Variants in BEST2 observed in about 807,000 individuals in gnomAD.
BEST2 encodes the protein bestrophin 2, also known as bestrophin-2a.
In BEST2, 36 loss-of-function variants were observed where a neutral mutation model predicts 49.0. The observed-to-expected ratio is 0.73, with a 90% CI of 0.56 to 0.97. The LOEUF is 0.97. Ranked by LOEUF, BEST2 falls within the 50% of genes least tolerant of loss-of-function variation. The pLI, the probability that BEST2 is intolerant of heterozygous loss-of-function variation, is 0.00. For missense variants in BEST2, 672 were observed against 710.0 expected (o/e 0.95, Z 0.61); for synonymous variants, 335 against 304.4 (o/e 1.10, Z -1.05).
chr19:12,755,098 C>T lies in BEST2; in HGVS notation c.636+67C>T. On this transcript the variant is annotated intron_variant, in intron 5 of 9. Coordinates refer to ENST00000553030, the MANE Select transcript of BEST2 (RefSeq NM_017682.3). This position sits in a 1 kb window ranked among gnomAD's most constrained non-coding sequence, Gnocchi z 4.4. ...AATTGTACCCCTGGAGCTGTGTCAA[C>T]GGCGGCCCTCCAAGCACCCCCACGA... 2 of 1,516,650 alleles carry T rather than the reference C, an allele frequency of 1.3e-6. No individual in the cohort carries two copies. The highest frequency in any genetic ancestry group is 2.3e-5 in the East Asian group (1 of 43,604). The allele number at this position is 1,516,650 out of a possible 1,614,324, so 93.9% of individuals were successfully genotyped here.
chr19:12,755,712 T>C lies in BEST2; in HGVS notation c.812T>C (p.Leu271Pro). ...GGTTACAAAGACCACGACCTAGACC[T>C]GTGTGTGCCCATCTTCACCCTCTTG... ...AQGYKDHDLD[L>P]CVPIFTLLQF... is the part of the protein sequence containing the mutation. Residue 271 changes from leucine to proline, a missense_variant, in exon 7 of 10, where the codon CTG becomes CCG. By Grantham distance (98) the Leu-to-Pro change is moderately conservative. Around this residue, in one of 3 missense-constraint regions of BEST2, gnomAD observed 365 missense variants for 390.9 expected, o/e 0.93. Transcript: ENST00000553030. The surrounding 1 kb of genome is among the most constrained non-coding windows in gnomAD (Gnocchi z 4.4). 6 of 1,614,092 alleles carry C rather than the reference T, an allele frequency of 3.7e-6. No homozygotes were observed. Among genetic ancestry groups the C allele is most frequent in the Non-Finnish European group, 5.1e-6 (6 of 1,180,016 alleles).
intron 3 of BEST2, among the ~76,000 whole-genome samples, chr19:12,754,321 C>T (rs1967908154): frequency 6.6e-6 from 1 of 152,060 alleles, no homozygotes. Flanking sequence ...ATCCACCCTC[C>T]TCAGCCTCCC....
chr19:12,758,101 G>C lies in BEST2; in HGVS notation c.*24G>C. 6.2e-7 allele frequency: 1 copy of C among 1,609,222 alleles called. No individual in the cohort carries two copies. Among genetic ancestry groups the C allele is most frequent in the Admixed American group, 1.7e-5 (1 of 59,208 alleles). ...GAGATCTTAGAGCCCAGCCCCCTAA[G>C]GACAGGGAACCAGGTCCCTGCACGG... On this transcript the variant is annotated 3_prime_UTR_variant, in exon 10 of 10. Coordinates refer to ENST00000553030, the MANE Select transcript of BEST2 (RefSeq NM_017682.3).
rs768418645 is a variant in BEST2, at chr19:12,753,273, G to C, written c.166G>C (p.Glu56Gln). The C allele has an allele frequency of 1.2e-6, 2 of 1,614,048 alleles. No individual in the cohort carries two copies. Among genetic ancestry groups the C allele is most frequent in the Non-Finnish European group, 1.7e-6 (2 of 1,180,014 alleles). ...LSAAYRFVLT[E>Q]GQKRYFEKLV... ...TCTATCCCGCAGCTTTGTGCTGACC[G>C]AAGGGCAGAAGCGCTACTTCGAGAA... Residue 56 changes from glutamate to glutamine, a missense_variant, in exon 3 of 10, where the codon GAA becomes CAA. Around this residue, in one of 3 missense-constraint regions of BEST2, gnomAD observed 365 missense variants for 390.9 expected, o/e 0.93. Coordinates refer to ENST00000553030, the MANE Select transcript of BEST2 (RefSeq NM_017682.3).
Position 12,754,558 on chromosome 19 carries a change from A to C in BEST2, c.254A>C (p.Tyr85Ser). 6.6e-7 allele frequency: 1 copy of C among 1,515,430 alleles called. No individual in the cohort carries two copies. Among genetic ancestry groups the C allele is most frequent in the Non-Finnish European group, 8.9e-7 (1 of 1,123,486 alleles). 93.9% of individuals were successfully genotyped at this position (1,515,430 alleles called of 1,614,324 possible). A position where few individuals can be genotyped will look rare whatever the true frequency, so the allele number is the denominator to read the frequency against. The change falls in exon 4 of 10, where the codon TAT becomes TCT. Residue 85 changes from tyrosine to serine, a missense_variant. Tyr to Ser is a moderately radical substitution (Grantham distance 144, BLOSUM62 -2). Coordinates refer to ENST00000553030, the MANE Select transcript of BEST2 (RefSeq NM_017682.3). ...LIPVSFVLGF[Y>S]VTLVVNRWWS... ...ATTCCCCGCTCCCCTGCAGGCTTTT[A>C]TGTGACGCTGGTGGTGAACCGCTGG...
At chr19:12,753,782 C>G (rs992927153) in intron 3 of BEST2, among the ~76,000 whole-genome samples, 1 of 152,110 alleles carries the variant, frequency 6.6e-6, no homozygotes, top group Non-Finnish European at 1.5e-5. Context: ...CTAGCCTGCC[C>G]AAGGCTCCCT....
Position 12,752,597 on chromosome 19 carries a change from C to T in BEST2, c.5C>T (p.Thr2Ile). ...CCACACCTGCCGGGTGCCACGATGACCGTCACCTACACAGCCCGAGTGGCG... is the reference window on the plus strand; with the variant it reads ...CCACACCTGCCGGGTGCCACGATGATCGTCACCTACACAGCCCGAGTGGCG... M[T>I]VTYTARVANA... Residue 2 changes from threonine (T) to isoleucine (I), a missense_variant, in exon 2 of 10, where the codon ACC (threonine) becomes ATC (isoleucine). Thr to Ile is a moderately conservative substitution (Grantham distance 89, BLOSUM62 -1). Around this residue, in one of 3 missense-constraint regions of BEST2, gnomAD observed 365 missense variants for 390.9 expected, o/e 0.93. Coordinates refer to ENST00000553030, the MANE Select transcript of BEST2 (RefSeq NM_017682.3). The T allele has an allele frequency of 6.2e-7, 1 of 1,611,648 alleles. No individual in the cohort carries two copies. Among genetic ancestry groups the T allele is most frequent in the Non-Finnish European group, 8.5e-7 (1 of 1,179,650 alleles).
rs771016953 is a variant in BEST2, at chr19:12,752,754, C to T, written c.152+10C>T. The T allele has an allele frequency of 6.2e-7, 1 of 1,606,258 alleles. No individual in the cohort carries two copies. Among genetic ancestry groups the T allele is most frequent in the South Asian group, 1.1e-5 (1 of 90,386 alleles). ...TGAGTGCTGCCTACCGGTGAGGCTGCCCTGAGGTGCTCATGTTCTAGCGGA... is the reference window on the plus strand; with the variant it reads ...TGAGTGCTGCCTACCGGTGAGGCTGTCCTGAGGTGCTCATGTTCTAGCGGA... On this transcript the variant is annotated intron_variant, in intron 2 of 9. Coordinates refer to ENST00000553030, the MANE Select transcript of BEST2 (RefSeq NM_017682.3).
In BEST2 at chr19:12,757,855, G is replaced by A. The variant is rs562622793; in HGVS notation, c.1308G>A (p.Ala436=). The A allele has an allele frequency of 9.7e-6, 15 of 1,549,250 alleles. No homozygotes were observed. The East Asian group carries it at 2.7e-4, about 28-fold the overall frequency. ...EASTGASCSC[A]VVPEGAAPEC... is the part of the protein sequence containing the mutation. Reference sequence around the variant, plus strand: ...CTACTGGGGCCAGCTGCTCATGCGCGGTTGTCCCCGAAGGCGCGGCCCCGG... The same window carrying A: ...CTACTGGGGCCAGCTGCTCATGCGCAGTTGTCCCCGAAGGCGCGGCCCCGG... Residue 436 remains alanine, a synonymous_variant, in exon 10 of 10, where the codon GCG becomes GCA. Coordinates refer to ENST00000553030, the MANE Select transcript of BEST2 (RefSeq NM_017682.3).
intron 4 of BEST2, 37 bp downstream of exon 4, chr19:12,754,822 A>C: frequency 6.3e-7 from 1 of 1,586,534 alleles, no homozygotes. Flanking sequence ...GAGACCGGGC[A>C]AGGACCAGGT....
rs1599460270 is a variant in BEST2, at chr19:12,758,130, C to A, written c.*53C>A. The A allele has an allele frequency of 2.5e-6, 4 of 1,581,478 alleles. No individual in the cohort carries two copies. Among genetic ancestry groups the A allele is most frequent in the Non-Finnish European group, 3.4e-6 (4 of 1,163,830 alleles). On this transcript the variant is annotated 3_prime_UTR_variant, in exon 10 of 10. Transcript: ENST00000553030. ...AGGGAACCAGGTCCCTGCACGGCACCCACGCAGGTGTCCCGGTCTGCATAA... is the reference window on the plus strand; with the variant it reads ...AGGGAACCAGGTCCCTGCACGGCACACACGCAGGTGTCCCGGTCTGCATAA...
In BEST2 at chr19:12,754,577, C is replaced by A. The variant is rs1204597745; in HGVS notation, c.273C>A (p.Asn91Lys). Residue 91 changes from asparagine to lysine, a missense_variant, in exon 4 of 10, where the codon AAC (asparagine) becomes AAA (lysine). Asn to Lys is a moderately conservative substitution (Grantham distance 94). This residue lies in a region of BEST2 where 365 missense variants were observed against 390.9 expected (regional missense o/e 0.93). Transcript: ENST00000553030. The stretch of plus-strand genomic sequence containing the variant: ...GCTTTTATGTGACGCTGGTGGTGAA[C>A]CGCTGGTGGAGCCAGTACCTATGCA... The part of the protein sequence containing the change: ...VLGFYVTLVV[N>K]RWWSQYLCMP... 1.3e-6 allele frequency: 2 copies of A among 1,539,880 alleles called. No individual in the cohort carries two copies. Among genetic ancestry groups the A allele is most frequent in the East Asian group, 2.4e-5 (1 of 41,528 alleles).
chr19:12,758,231 AG>A lies in BEST2; in HGVS notation c.*158del, dbSNP rs1422168216. The A allele has an allele frequency of 1.0e-6, 1 of 964,610 alleles. No individual in the cohort carries two copies. The allele number at this position is 964,610 out of a possible 1,614,324, so 59.8% of individuals were successfully genotyped here. A position where few individuals can be genotyped will look rare whatever the true frequency, so the allele number is the denominator to read the frequency against. ...GCCCGCATGTGTTTGGCGCTGTGCT[AG>A]GGGCGGGAGTTCTTCCAGACTCTTG... On this transcript the variant is annotated 3_prime_UTR_variant, in exon 10 of 10. Coordinates refer to ENST00000553030, the MANE Select transcript of BEST2 (RefSeq NM_017682.3).
intron 1 of BEST2, among the ~76,000 whole-genome samples, chr19:12,752,141 G>A (rs955811398): frequency 1.3e-5 from 2 of 152,064 alleles, no homozygotes; most frequent in African/African-American, 4.8e-5. Flanking sequence ...GGGAAGTGGA[G>A]AAGGGGGAGC....
In BEST2 at chr19:12,757,868, G is replaced by GGC; in HGVS notation, c.1325_1326dup (p.Ala443ArgfsTer43). Reference sequence around the variant, plus strand: ...CTGCTCATGCGCGGTTGTCCCCGAAGGCGCGGCCCCGGAGTGCAGCTGCGG... The same window carrying GGC: ...CTGCTCATGCGCGGTTGTCCCCGAAGGCGCGCGGCCCCGGAGTGCAGCTGCGG... On this transcript the variant is annotated frameshift_variant, in exon 10 of 10. Coordinates refer to ENST00000553030, the MANE Select transcript of BEST2 (RefSeq NM_017682.3). LOFTEE classifies it low-confidence loss of function (END_TRUNC). 1.3e-6 allele frequency: 2 copies of GGC among 1,549,494 alleles called. No homozygotes were observed. Among genetic ancestry groups the GGC allele is most frequent in the Non-Finnish European group, 1.7e-6 (2 of 1,147,106 alleles).
chr19:12,757,853 G>A lies in BEST2; in HGVS notation c.1306G>A (p.Ala436Thr), dbSNP rs781407269. 1 of 1,549,262 alleles carries A rather than the reference G, an allele frequency of 6.5e-7. No individual in the cohort carries two copies. Among genetic ancestry groups the A allele is most frequent in the South Asian group, 1.2e-5 (1 of 84,090 alleles). ...GTCTACTGGGGCCAGCTGCTCATGC[G>A]CGGTTGTCCCCGAAGGCGCGGCCCC... is the stretch of plus-strand genomic sequence containing the variant. ...EASTGASCSC[A>T]VVPEGAAPEC... The change falls in exon 10 of 10, where the codon GCG becomes ACG. Residue 436 changes from alanine to threonine, a missense_variant. Ala to Thr is a moderately conservative substitution (Grantham distance 58). Coordinates refer to ENST00000553030, the MANE Select transcript of BEST2 (RefSeq NM_017682.3).
chr19:12,755,699 C>T lies in BEST2; in HGVS notation c.799C>T (p.His267Tyr). 1 of 1,614,114 alleles carries T rather than the reference C, an allele frequency of 6.2e-7. No individual in the cohort carries two copies. The highest frequency in any genetic ancestry group is 8.5e-7 in the Non-Finnish European group (1 of 1,180,040). The change falls in exon 7 of 10, where the codon CAC becomes TAC. Residue 267 changes from histidine (H) to tyrosine (Y), a missense_variant. Physicochemically the swap from His to Tyr is moderately conservative, Grantham distance 83 (BLOSUM62 2). Around this residue, in one of 3 missense-constraint regions of BEST2, gnomAD observed 365 missense variants for 390.9 expected, o/e 0.93. Transcript: ENST00000553030. The surrounding 1 kb of genome is among the most constrained non-coding windows in gnomAD (Gnocchi z 4.4). ...GGACCCGGCTCAGGGTTACAAAGAC[C>T]ACGACCTAGACCTGTGTGTGCCCAT... is the stretch of plus-strand genomic sequence containing the variant. ...FLDPAQGYKD[H>Y]DLDLCVPIFT...
intron 9 of BEST2, 86 bp downstream of exon 9, chr19:12,756,381 A>C (rs1967944860): frequency 6.6e-7 from 1 of 1,509,846 alleles, no homozygotes; most frequent in African/African-American, 1.4e-5. Context: ...AAGTGGAATC[A>C]ATTCTGGAGA....
rs1242165153 is a variant in BEST2 at position 12,754,738 on chromosome 19, C to T, written c.434C>T (p.Thr145Ile). Residue 145 changes from threonine to isoleucine, a missense_variant, in exon 4 of 10, where the codon ACC becomes ATC. Around this residue, in one of 3 missense-constraint regions of BEST2, gnomAD observed 365 missense variants for 390.9 expected, o/e 0.93. Transcript: ENST00000553030. Reference sequence around the variant, plus strand: ...GTGCTCATCCTGCGCTCCGTCAGCACCGCGGTGTTCAAGCGCTTCCCCACC... The same window carrying T: ...GTGCTCATCCTGCGCTCCGTCAGCATCGCGGTGTTCAAGCGCTTCCCCACC... ...SAVLILRSVS[T>I]AVFKRFPTID... 3.8e-6 allele frequency: 6 copies of T among 1,592,354 alleles called. No homozygotes were observed. Among genetic ancestry groups the T allele is most frequent in the Non-Finnish European group, 5.1e-6 (6 of 1,169,380 alleles).
Sources: gnomAD v4.1 joint callset for allele counts (sites outside exome capture counted in the v4.1 genomes callset) on GRCh38, gnomAD v4.1.1 for gene constraint, gnomAD v4.1.1 regional missense constraint, Gnocchi (gnomAD v3.1) non-coding constraint, MANE v1.5 for transcripts, NCBI Gene and HGNC (gene_info 2026-07-23, HGNC 2026-07-21) for gene names.